SLC9B2: variants seen among roughly 807,000 people sequenced by gnomAD.
SLC9B2 encodes sodium/hydrogen exchanger 9B2.
In SLC9B2, 39 loss-of-function variants were observed where a neutral mutation model predicts 52.2. The ratio of observed to expected loss-of-function variants is 0.75; its 90% confidence interval spans 0.58 to 0.98. The LOEUF (loss-of-function observed/expected upper bound fraction) is 0.98, where lower values mean the gene tolerates loss of function less well. Ranked by LOEUF, SLC9B2 falls within the 50% of genes least tolerant of loss-of-function variation. The pLI is 0.00. For missense variants in SLC9B2, 626 were observed against 637.5 expected (o/e 0.98, Z 0.19); for synonymous variants, 214 against 227.0 (o/e 0.94, Z 0.51).
At chr4:103,076,116 AG>A (rs1747122300) in intron 1 of SLC9B2, 67 bp downstream of exon 1, 1 of 152,286 alleles carries the variant, frequency 6.6e-6, no homozygotes, top group African/African-American at 2.4e-5. Context: ...CCGGTCCAGC[AG>A]GCCTACAGGG....
intron 10 of SLC9B2, among the ~76,000 whole-genome samples, chr4:103,030,589 C>A (rs970497581): frequency 1.3e-5 from 2 of 151,314 alleles, no homozygotes; most frequent in African/African-American, 4.9e-5. Context: ...TTGAAAAGTC[C>A]GAAAAGAAGA....
chr4:103,055,125 A>C (rs1356375572), intron 4 of SLC9B2, among the ~76,000 whole-genome samples: 1 of 151,954 alleles, frequency 6.6e-6, no homozygotes, highest in Non-Finnish European at 1.5e-5. Context: ...GTTCTCAGCA[A>C]ACTATTGCAA....
intron 9 of SLC9B2, among the ~76,000 whole-genome samples, chr4:103,035,646 T>G (rs1743103405): frequency 6.6e-6 from 1 of 152,126 alleles, no homozygotes; most frequent in Non-Finnish European, 1.5e-5. Flanking sequence ...ATGGTGAGGT[T>G]GTGGAGAAAA....
chr4:103,027,986 G>A lies in SLC9B2; in HGVS notation c.1392+761C>T, dbSNP rs770680120. Among the ~76,000 whole-genome samples, 29 of 152,274 alleles carry A rather than the reference G, an allele frequency of 1.9e-4. No homozygotes were observed. In the Middle Eastern group the frequency reaches 0.014, roughly 71 times the overall value. On this transcript the variant is annotated intron_variant, in intron 11 of 11. Transcript: ENST00000394785. ...ATAATCTGGGGCAAAACAGTTAAAT[G>A]TTGTTTGATGTAATTAGTCTGAAAA...
intron 11 of SLC9B2, 89 bp downstream of exon 11, chr4:103,028,658 A>G: frequency 7.0e-7 from 1 of 1,421,958 alleles, no homozygotes; most frequent in Non-Finnish European, 9.5e-7. Flanking sequence ...ATTTATTTTC[A>G]CTAAATTTAA....
intron 6 of SLC9B2, among the ~76,000 whole-genome samples, 158 bp from the exon 7 acceptor site, chr4:103,047,384 TTTG>T (rs995255995): frequency 1.3e-5 from 2 of 152,176 alleles, no homozygotes; most frequent in Admixed American, 6.5e-5. Context: ...AGAATTGTTT[TTTG>T]TTTTTTTTTC....
chr4:103,044,148 C>A (rs929287439), intron 8 of SLC9B2, among the ~76,000 whole-genome samples: 1 of 152,292 alleles, frequency 6.6e-6, no homozygotes, highest in African/African-American at 2.4e-5. Flanking sequence ...TACCTGAGTT[C>A]ATTCCCAGTT....
intron 4 of SLC9B2, among the ~76,000 whole-genome samples, chr4:103,053,262 A>C (rs1744849200): frequency 6.6e-6 from 1 of 152,212 alleles, no homozygotes; most frequent in Non-Finnish European, 1.5e-5. Flanking sequence ...AAAATATAGA[A>C]CAGGCAACCA....
chr4:103,039,320 G>A (rs1335691299), intron 9 of SLC9B2, among the ~76,000 whole-genome samples: 1 of 152,116 alleles, frequency 6.6e-6, no homozygotes, highest in African/African-American at 2.4e-5. Context: ...CTTCGTACAG[G>A]TTATTTTACC....
rs192743154 is a variant in SLC9B2, at chr4:103,032,911, G to A, written c.1147-1103C>T. On this transcript the variant is annotated intron_variant, in intron 9 of 11. Transcript: ENST00000394785. ...TGCAGGCAGGAATGTGGAGGGTACA[G>A]GCTTAAGGGGATGATCTATTATAGC... is the stretch of plus-strand genomic sequence containing the variant. Among the ~76,000 whole-genome samples the A allele has an allele frequency of 1.3e-3, 195 of 152,282 alleles. No individual in the cohort carries two copies. The Middle Eastern group carries it at 0.017, about 13-fold the overall frequency.
chr4:103,034,438 A>T (rs1481446472), intron 9 of SLC9B2, among the ~76,000 whole-genome samples: 1 of 152,184 alleles, frequency 6.6e-6, no homozygotes, highest in East Asian at 1.9e-4. Context: ...GTGACAAAAC[A>T]AAAAATTGAC....
intron 6 of SLC9B2, 110 bp from the exon 7 acceptor site, chr4:103,047,336 C>CTT: frequency 1.9e-4 from 131 of 687,320 alleles, no homozygotes; most frequent in Middle Eastern, 9.9e-4. Flanking sequence ...AACAGTCTTT[C>CTT]TTTTTTTTTT....
intron 8 of SLC9B2, 33 bp downstream of exon 8, chr4:103,044,857 G>C (rs1743969271): frequency 6.6e-7 from 1 of 1,504,622 alleles, no homozygotes; most frequent in Non-Finnish European, 9.3e-7. Flanking sequence ...TGATATTTCA[G>C]AGCACAACTT....
chr4:103,071,378 ATTTT>A (rs550340712), intron 1 of SLC9B2, among the ~76,000 whole-genome samples: 1 of 90,272 alleles, frequency 1.1e-5, no homozygotes. Flanking sequence ...TAATTTTTGT[ATTTT>A]TTTTTTTTTT....
intron 9 of SLC9B2, among the ~76,000 whole-genome samples, chr4:103,041,545 T>A (rs931338748): frequency 6.6e-6 from 1 of 152,180 alleles, no homozygotes; most frequent in African/African-American, 2.4e-5. Context: ...GAGGTATCAG[T>A]CTCTCCTTCA....
chr4:103,037,426 C>T (rs539156485), intron 9 of SLC9B2, among the ~76,000 whole-genome samples: 73 of 152,276 alleles, frequency 4.8e-4, no homozygotes, highest in African/African-American at 1.7e-3. Context: ...AAAATGAGGA[C>T]TTACTATTAA....
In SLC9B2 at chr4:103,053,766, G is replaced by A. The variant is rs1578465635; in HGVS notation, c.443-3384C>T. ...TCACCAGGCTGGAGTGCAGTGGTGC[G>A]GTTTCGGCTCACTGCAACCTCTGCC... On this transcript the variant is annotated intron_variant, in intron 4 of 11. Coordinates refer to ENST00000394785, the MANE Select transcript of SLC9B2 (RefSeq NM_178833.7). 3.3e-5 allele frequency among the ~76,000 whole-genome samples: 5 copies of A among 151,866 alleles called. No homozygotes were observed. The South Asian group carries it at 6.3e-4, about 19-fold the overall frequency.
In SLC9B2 at chr4:103,027,624, T is replaced by C. The variant is rs552500148; in HGVS notation, c.1393-1033A>G. Among the ~76,000 whole-genome samples, 196 of 152,030 alleles carry C rather than the reference T, an allele frequency of 1.3e-3. No homozygotes were observed. In the Middle Eastern group the frequency reaches 0.017, roughly 13 times the overall value. On this transcript the variant is annotated intron_variant, in intron 11 of 11. Transcript: ENST00000394785. Reference sequence around the variant, plus strand: ...AGAACAATGTAAGCCTCTAAGACAATGAAAAAGAAAAATGTGCATCAGAAA... The same window carrying C: ...AGAACAATGTAAGCCTCTAAGACAACGAAAAAGAAAAATGTGCATCAGAAA...
At chr4:103,057,273 T>TATATACAC (rs1220375909) in intron 4 of SLC9B2, among the ~76,000 whole-genome samples, 8 of 143,222 alleles carry the variant, frequency 5.6e-5, no homozygotes, top group African/African-American at 2.1e-4. Context: ...TATATATATA[T>TATATACAC]ACACACACAC....
Sources: allele counts gnomAD v4.1 joint callset (sites outside exome capture counted in the v4.1 genomes callset), GRCh38; gene constraint gnomAD v4.1.1; transcripts MANE v1.5; gene names NCBI Gene and HGNC (gene_info 2026-07-23, HGNC 2026-07-21).